Variants in MKNK2 observed in about 807,000 individuals in gnomAD.
The protein encoded by MKNK2 is MAP kinase-interacting serine/threonine-protein kinase 2.
A neutral mutation model predicts 55.0 loss-of-function variants in MKNK2; 54 were observed. That is an observed-to-expected ratio of 0.98 (90% confidence interval 0.79 to 1.23). The LOEUF (loss-of-function observed/expected upper bound fraction) is 1.23, where lower values mean the gene tolerates loss of function less well. MKNK2 is among the 50% of genes most tolerant of loss of function. The probability of loss-of-function intolerance (pLI) is 0.00; values close to 1 mark genes in which losing one functional copy is unlikely to be tolerated. For synonymous variants in MKNK2, 323 were observed against 256.0 expected (o/e 1.26, Z -2.50); for missense variants, 685 against 632.1 (o/e 1.08, Z -0.90).
Position 2,041,149 on chromosome 19 carries a change from C to G in MKNK2, c.1001G>C (p.Trp334Ser). 1 of 1,614,020 alleles carries G rather than the reference C, an allele frequency of 6.2e-7. No homozygotes were observed. Among genetic ancestry groups the G allele is most frequent in the Non-Finnish European group, 8.5e-7 (1 of 1,179,968 alleles). The change falls in exon 12 of 14, where the codon TGG becomes TCG. Residue 334 changes from tryptophan to serine, a missense_variant. Coordinates refer to ENST00000250896, the MANE Select transcript of MKNK2 (RefSeq NM_199054.3). ...EGKYEFPDKD[W>S]AHISCAAKDL... is the part of the protein sequence containing the mutation. ...TTTGGCAGCGCAGGAGATGTGGGCC[C>G]AGTCCTTGTCGGGGAACTCGTACTT... is the stretch of plus-strand genomic sequence containing the variant.
At chr19:2,046,098 G>A (rs1205106080) in intron 5 of MKNK2, 88 bp downstream of exon 5, 6 of 1,319,204 alleles carry the variant, frequency 4.5e-6, no homozygotes, top group Admixed American at 1.7e-5. Flanking sequence ...GCTGTAGGAC[G>A]GACAGCCGGA....
chr19:2,046,194 C>T lies in MKNK2; in HGVS notation c.331G>A (p.Ala111Thr), dbSNP rs773576107. 4.4e-6 allele frequency: 7 copies of T among 1,608,446 alleles called. No individual in the cohort carries two copies. The highest frequency in any genetic ancestry group is 2.2e-5 in the East Asian group (1 of 44,886). ...CINLITSQEYAVKIIEKQPGH... is the reference protein window; with the variant it reads ...CINLITSQEYTVKIIEKQPGH... ...GCGCGGCGCGGGCCCACCTTGACGG[C>T]GTACTCCTGGCTGGTGATCAGGTTG... The change falls in exon 5 of 14, where the codon GCC (alanine) becomes ACC (threonine). Residue 111 changes from alanine (A) to threonine (T), a missense_variant. By Grantham distance (58) the Ala-to-Thr change is moderately conservative (BLOSUM62 0). Transcript: ENST00000250896.
At chr19:2,045,107 C>G (rs1023834173) in intron 5 of MKNK2, among the ~76,000 whole-genome samples, 4 of 152,182 alleles carry the variant, frequency 2.6e-5, no homozygotes, top group Admixed American at 2.0e-4. Context: ...AACTCCCGGA[C>G]GTCAGTGGCC....
At position 2,038,326 on chromosome 19, in the gene MKNK2, C is replaced by G. The variant is rs2016798182; in HGVS notation, c.*1287G>C. 1.1e-5 allele frequency: 11 copies of G among 986,576 alleles called. No homozygotes were observed. The highest frequency in any genetic ancestry group is 1.3e-5 in the Non-Finnish European group (11 of 830,484). The allele number at this position is 986,576 out of a possible 1,614,324, so 61.1% of individuals were successfully genotyped here. On this transcript the variant is annotated 3_prime_UTR_variant, in exon 14 of 14. Coordinates refer to ENST00000250896, the MANE Select transcript of MKNK2 (RefSeq NM_199054.3). ...GGATTTAGAAGCCAGAGGGGCTGCC[C>G]CAGCTGTGGAGCTCGGGGGCTGCGC...
rs1013872173 is a variant in MKNK2, at chr19:2,038,532, G to T, written c.*1081C>A. On this transcript the variant is annotated 3_prime_UTR_variant, in exon 14 of 14. Transcript: ENST00000250896. ...CCTGGGTGCCCGAAGGGAGGCCGAG[G>T]CCGCAGCCGTTTTCCTGAAGGTGGC... The T allele has an allele frequency of 2.0e-5, 20 of 985,680 alleles. No homozygotes were observed. The East Asian group carries it at 2.2e-3, about 107-fold the overall frequency. 61.1% of individuals were successfully genotyped at this position (985,680 alleles called of 1,614,324 possible).
At chr19:2,046,581 C>T (rs2017004391) in intron 3 of MKNK2, 23 bp downstream of exon 3, 1 of 1,556,496 alleles carries the variant, frequency 6.4e-7, no homozygotes, top group African/African-American at 1.4e-5. Context: ...GCCCTGTGCC[C>T]TCCTCCCCCT....
At position 2,038,320 on chromosome 19, in the gene MKNK2, G is replaced by T; in HGVS notation, c.*1293C>A. 1 of 986,592 alleles carries T rather than the reference G, an allele frequency of 1.0e-6. No individual in the cohort carries two copies. The highest frequency in any genetic ancestry group is 1.7e-5 in the African/African-American group (1 of 57,242). 61.1% of individuals were successfully genotyped at this position (986,592 alleles called of 1,614,324 possible). A position where few individuals can be genotyped will look rare whatever the true frequency, so the allele number is the denominator to read the frequency against. ...GACCGCGGATTTAGAAGCCAGAGGG[G>T]CTGCCCCAGCTGTGGAGCTCGGGGG... On this transcript the variant is annotated 3_prime_UTR_variant, in exon 14 of 14. Transcript: ENST00000250896.
chr19:2,044,837 C>T (rs563941682), intron 5 of MKNK2, among the ~76,000 whole-genome samples: 3 of 152,292 alleles, frequency 2.0e-5, no homozygotes, highest in East Asian at 3.9e-4. Flanking sequence ...TAGAATGCTG[C>T]TTCAGGGAGG....
chr19:2,042,977 C>A lies in MKNK2; in HGVS notation c.494-107G>T. 4 of 1,347,530 alleles carry A rather than the reference C, an allele frequency of 3.0e-6. No individual in the cohort carries two copies. The South Asian group carries it at 3.8e-5, about 13-fold the overall frequency. The allele number at this position is 1,347,530 out of a possible 1,614,324, so 83.5% of individuals were successfully genotyped here. A position where few individuals can be genotyped will look rare whatever the true frequency, so the allele number is the denominator to read the frequency against. ...TTTGGCGGGGACGCCCCCACACTGG[C>A]TTCCTCCAGCACAAAGGCCTCACCC... On this transcript the variant is annotated intron_variant, in intron 7 of 13. Coordinates refer to ENST00000250896, the MANE Select transcript of MKNK2 (RefSeq NM_199054.3).
intron 13 of MKNK2, 96 bp downstream of exon 13, chr19:2,040,038 G>C (rs544855397): frequency 6.9e-7 from 1 of 1,444,846 alleles, no homozygotes; most frequent in African/African-American, 1.4e-5. Context: ...CTGCCTCCCC[G>C]ACCCCAAAGC....
intron 11 of MKNK2, 86 bp downstream of exon 11, chr19:2,041,754 G>A: frequency 8.5e-7 from 1 of 1,177,090 alleles, no homozygotes; most frequent in East Asian, 2.8e-5. Flanking sequence ...GGGTGCGCAG[G>A]GCAGGTCCCC....
rs576448332 is a variant in MKNK2, at chr19:2,038,721, C to T, written c.*892G>A. On this transcript the variant is annotated 3_prime_UTR_variant, in exon 14 of 14. Transcript: ENST00000250896. The stretch of plus-strand genomic sequence containing the variant: ...AGACTGAGCCCTGAGAAGGGGCACT[C>T]GGGTGCCCCAAGGGGGTGTCTTCAG... 9.1e-6 allele frequency: 9 copies of T among 985,544 alleles called. No homozygotes were observed. Among genetic ancestry groups the T allele is most frequent in the African/African-American group, 3.5e-5 (2 of 57,344 alleles). The allele number at this position is 985,544 out of a possible 1,614,324, so 61.0% of individuals were successfully genotyped here.
At chr19:2,040,867 GCGGGCGGTGGGGATTTCGGCT>G (rs1411513902) in intron 12 of MKNK2, 152 bp downstream of exon 12, 1 of 671,352 alleles carries the variant, frequency 1.5e-6, no homozygotes, top group Admixed American at 2.9e-5. Flanking sequence ...CCGTGCACAG[GCGGGCGGTGGGGATTTCGGCT>G]GCACCCCTCA....
In MKNK2 at chr19:2,038,512, G is replaced by A. The variant is rs2016803558; in HGVS notation, c.*1101C>T. ...ACTGAGCAGACCCCCGCATTCCTGGGTGCCCGAAGGGAGGCCGAGGCCGCA... is the reference window on the plus strand; with the variant it reads ...ACTGAGCAGACCCCCGCATTCCTGGATGCCCGAAGGGAGGCCGAGGCCGCA... On this transcript the variant is annotated 3_prime_UTR_variant, in exon 14 of 14. Transcript: ENST00000250896. The A allele has an allele frequency of 1.1e-5, 11 of 985,510 alleles. No individual in the cohort carries two copies. In the South Asian group the frequency reaches 4.2e-4, roughly 38 times the overall value. 61.0% of individuals were successfully genotyped at this position (985,510 alleles called of 1,614,324 possible). A position where few individuals can be genotyped will look rare whatever the true frequency, so the allele number is the denominator to read the frequency against.
At chr19:2,050,586 C>A (rs2017093393) in intron 2 of MKNK2, among the ~76,000 whole-genome samples, 1 of 152,234 alleles carries the variant, frequency 6.6e-6, no homozygotes, top group Non-Finnish European at 1.5e-5. Context: ...AAGGACCCGG[C>A]GGCCATGGCT....
chr19:2,042,606 C>A lies in MKNK2; in HGVS notation c.654+1G>T. ...GGGCCACCCTGCCGGAACTGGCCTA[C>A]CTGGTTGGGGTGCTCACAGAGGATG... On this transcript the variant is annotated splice_donor_variant, in intron 9 of 13. Coordinates refer to ENST00000250896, the MANE Select transcript of MKNK2 (RefSeq NM_199054.3). LOFTEE classifies it high-confidence loss of function. 1 of 1,567,018 alleles carries A rather than the reference C, an allele frequency of 6.4e-7. No homozygotes were observed. The highest frequency in any genetic ancestry group is 8.7e-7 in the Non-Finnish European group (1 of 1,155,704).
At chr19:2,043,076 A>G in intron 7 of MKNK2, 48 bp downstream of exon 7, 2 of 1,528,486 alleles carry the variant, frequency 1.3e-6, no homozygotes, top group Non-Finnish European at 1.8e-6. Flanking sequence ...CCCATCCCGT[A>G]ATACCTCCCA....
In MKNK2 at chr19:2,046,689, CCCCTG is replaced by C; in HGVS notation, c.52-3_53del. On this transcript the variant is annotated splice_acceptor_variant and splice_polypyrimidine_tract_variant and coding_sequence_variant and intron_variant, in exon 3 of 14. Coordinates refer to ENST00000250896, the MANE Select transcript of MKNK2 (RefSeq NM_199054.3). LOFTEE classifies it high-confidence loss of function. ...AGAAGGCCAGCTCGAAGGGGTTCTG[CCCCTG>C]CAGGGGAGAGGAGAGGAGAGGCACT... is the stretch of plus-strand genomic sequence containing the variant. 6.6e-7 allele frequency: 1 copy of C among 1,522,328 alleles called. No individual in the cohort carries two copies. Among genetic ancestry groups the C allele is most frequent in the Non-Finnish European group, 8.8e-7 (1 of 1,135,520 alleles). The allele number at this position is 1,522,328 out of a possible 1,614,324, so 94.3% of individuals were successfully genotyped here.
chr19:2,050,018 C>T (rs1466814638), intron 2 of MKNK2, among the ~76,000 whole-genome samples: 2 of 152,194 alleles, frequency 1.3e-5, no homozygotes, highest in African/African-American at 4.8e-5. Context: ...CCCAGTGAAG[C>T]GATTACATAA....
Sources: allele counts gnomAD v4.1 joint callset (sites outside exome capture counted in the v4.1 genomes callset), GRCh38; gene constraint gnomAD v4.1.1; transcripts MANE v1.5; gene names NCBI Gene and HGNC (gene_info 2026-07-23, HGNC 2026-07-21).